The following PHIP variants were observed in gnomAD, a reference collection of about 807,000 sequenced individuals.
PHIP encodes the protein PHIP subunit of CUL4-Ring ligase complex, also known as PH-interacting protein.
In PHIP, 54 loss-of-function variants were observed where a neutral mutation model predicts 236.8. The ratio of observed to expected loss-of-function variants is 0.23; its 90% CI spans 0.18 to 0.29. PHIP has a LOEUF of 0.29. PHIP is among the 10% of genes least tolerant of loss of function. PHIP has a pLI of 1.00. For missense variants in PHIP, 1,370 were observed against 2,190.8 expected, an observed-to-expected ratio of 0.63 and a Z score of 7.48; for synonymous variants, 756 against 718.9, an observed-to-expected ratio of 1.05 and a Z score of -0.83.
chr6:79,062,064 T>G (rs560048130), intron 4 of PHIP, among the ~76,000 whole-genome samples: 1 of 152,238 alleles, frequency 6.6e-6, no homozygotes, highest in African/African-American at 2.4e-5. Context: ...TAAGATTATT[T>G]AAAACAGCAG....
intron 35 of PHIP, among the ~76,000 whole-genome samples, chr6:78,951,214 C>T (rs1166374792): frequency 1.3e-5 from 2 of 152,014 alleles, no homozygotes; most frequent in South Asian, 2.1e-4. Flanking sequence ...AAATGTTTTG[C>T]AATATTTTGG....
intron 27 of PHIP, among the ~76,000 whole-genome samples, chr6:78,967,347 A>G (rs771873147): frequency 2.6e-4 from 39 of 152,186 alleles, no homozygotes; most frequent in Non-Finnish European, 4.4e-4. Context: ...ACCTCACACT[A>G]AACATAAAGT....
chr6:78,940,265 T>C lies in PHIP; in HGVS notation c.*428A>G, dbSNP rs1181804682. On this transcript the variant is annotated 3_prime_UTR_variant, in exon 40 of 40. Coordinates refer to ENST00000275034, the MANE Select transcript of PHIP (RefSeq NM_017934.7). ...CTTTTAGGGGCATGACTTGTATCAA[T>C]AGAAATGTACCTCACTTGGTCAAAA... is the stretch of plus-strand genomic sequence containing the variant. The C allele has an allele frequency of 2.0e-5, 3 of 151,952 alleles. No individual in the cohort carries two copies. Among genetic ancestry groups the C allele is most frequent in the Admixed American group, 6.6e-5 (1 of 15,238 alleles). The allele number at this position is 151,952 out of a possible 1,614,324, so 9.4% of individuals were successfully genotyped here. A position where few individuals can be genotyped will look rare whatever the true frequency, so the allele number is the denominator to read the frequency against.
At chr6:79,002,454 T>C (rs1770052285) in intron 16 of PHIP, among the ~76,000 whole-genome samples, 1 of 152,064 alleles carries the variant, frequency 6.6e-6, no homozygotes, top group Non-Finnish European at 1.5e-5. Context: ...GTTCCAGAAA[T>C]AAACAACTCA....
chr6:79,063,711 G>A (rs916883893), intron 4 of PHIP, among the ~76,000 whole-genome samples: 4 of 152,106 alleles, frequency 2.6e-5, no homozygotes, highest in African/African-American at 4.8e-5. Flanking sequence ...CACAGCGTCC[G>A]GCCAATTCTA....
At chr6:78,958,844 G>A (rs1418632962) in intron 31 of PHIP, among the ~76,000 whole-genome samples, 1 of 152,062 alleles carries the variant, frequency 6.6e-6, no homozygotes, top group Non-Finnish European at 1.5e-5. Context: ...ATTAACAAAG[G>A]CCTCTTTTTG....
chr6:78,995,830 C>A (rs1170403227), intron 19 of PHIP, among the ~76,000 whole-genome samples: 2 of 152,156 alleles, frequency 1.3e-5, no homozygotes, highest in Non-Finnish European at 2.9e-5. Flanking sequence ...TTCAGAGAGC[C>A]TTTTTAAAAG....
intron 4 of PHIP, among the ~76,000 whole-genome samples, chr6:79,068,847 A>T (rs1002747294): frequency 6.6e-6 from 1 of 152,208 alleles, no homozygotes; most frequent in Non-Finnish European, 1.5e-5. Context: ...GTGAAGACCT[A>T]GAAGTGCCCT....
rs550933331 is a variant in PHIP at position 79,016,558 on chromosome 6, A to G, written c.1221T>C (p.Ala407=). ...REWKSILLDM[A]TRPAGQNLQG... is the part of the protein sequence containing the mutation. Reference sequence around the variant, plus strand: ...TGACCTCTTACCCTGCTGGACGAGTAGCCATATCCAACAAAATGCTCTTCC... The same window carrying G: ...TGACCTCTTACCCTGCTGGACGAGTGGCCATATCCAACAAAATGCTCTTCC... The change falls in exon 13 of 40, where the codon GCT becomes GCC. Residue 407 remains alanine (A), a synonymous_variant. Transcript: ENST00000275034. The G allele has an allele frequency of 1.2e-6, 2 of 1,606,128 alleles. No homozygotes were observed. The highest frequency in any genetic ancestry group is 2.2e-5 in the South Asian group (2 of 90,730).
intron 32 of PHIP, 138 bp downstream of exon 32, chr6:78,958,337 T>G: frequency 1.7e-6 from 1 of 581,190 alleles, no homozygotes; most frequent in Non-Finnish European, 3.0e-6. Context: ...ATCTTCAGTC[T>G]AATGCTCTCC....
chr6:78,996,468 GT>G (rs1173425314), intron 19 of PHIP, among the ~76,000 whole-genome samples: 1 of 152,036 alleles, frequency 6.6e-6, no homozygotes, highest in Non-Finnish European at 1.5e-5. Context: ...CAGAATTGGT[GT>G]TGAAAAAATG....
chr6:79,078,115 G>C lies in PHIP; in HGVS notation c.-47C>G. The C allele has an allele frequency of 6.3e-7, 1 of 1,593,434 alleles. No homozygotes were observed. The highest frequency in any genetic ancestry group is 8.6e-7 in the Non-Finnish European group (1 of 1,167,010). On this transcript the variant is annotated 5_prime_UTR_variant, in exon 1 of 40. Coordinates refer to ENST00000275034, the MANE Select transcript of PHIP (RefSeq NM_017934.7). ...CGCCGACGGGACACCCCGCCGCCGA[G>C]GGGAAGCGGGGACGGTGCCGCCGCC...
intron 19 of PHIP, among the ~76,000 whole-genome samples, chr6:78,996,717 A>G (rs1367472690): frequency 2.0e-5 from 3 of 152,156 alleles, no homozygotes; most frequent in African/African-American, 7.2e-5. Flanking sequence ...CAAAATTTTA[A>G]TTATGTAATT....
chr6:79,067,139 A>G lies in PHIP; in HGVS notation c.190-6321T>C, dbSNP rs1773663222. 2.0e-5 allele frequency among the ~76,000 whole-genome samples: 3 copies of G among 152,182 alleles called. No individual in the cohort carries two copies. In the South Asian group the frequency reaches 6.2e-4, roughly 32 times the overall value. On this transcript the variant is annotated intron_variant, in intron 4 of 39. Transcript: ENST00000275034. The stretch of plus-strand genomic sequence containing the variant: ...TGGCCTCAAGTGATCCTCCTGCCTC[A>G]GCCTCTCAAGTAGCTAGGATTACAT...
intron 10 of PHIP, 54 bp from the exon 11 acceptor site, chr6:79,017,637 G>T: frequency 7.9e-7 from 1 of 1,271,856 alleles, no homozygotes; most frequent in South Asian, 1.2e-5. Flanking sequence ...CAAAATCTCT[G>T]AAAATTAGAT....
intron 15 of PHIP, among the ~76,000 whole-genome samples, chr6:79,014,304 A>G (rs1482301284): frequency 3.3e-5 from 5 of 151,758 alleles, no homozygotes; most frequent in Non-Finnish European, 1.5e-5. Flanking sequence ...ACATGTACTA[A>G]TTGTATTGTT....
At chr6:79,029,712 T>C (rs1203979047) in intron 7 of PHIP, among the ~76,000 whole-genome samples, 1 of 152,146 alleles carries the variant, frequency 6.6e-6, no homozygotes, top group Non-Finnish European at 1.5e-5. Context: ...GTATCTTTAC[T>C]AGAGATGGGG....
intron 4 of PHIP, among the ~76,000 whole-genome samples, chr6:79,076,464 T>G (rs1211601820): frequency 6.6e-6 from 1 of 152,182 alleles, no homozygotes; most frequent in Non-Finnish European, 1.5e-5. Flanking sequence ...CTGTATCAGT[T>G]TAGGAGAAAG....
intron 8 of PHIP, 67 bp downstream of exon 8, chr6:79,025,876 T>G: frequency 8.5e-7 from 1 of 1,173,930 alleles, no homozygotes; most frequent in South Asian, 1.3e-5. Flanking sequence ...CAAAAGTGAC[T>G]TCATTAAATT....
Sources: gnomAD v4.1 joint callset for allele counts (sites outside exome capture counted in the v4.1 genomes callset) on GRCh38, gnomAD v4.1.1 for gene constraint, MANE v1.5 for transcripts, NCBI Gene and HGNC (gene_info 2026-07-23, HGNC 2026-07-21) for gene names.